Variants in LRRC4C observed in about 807,000 individuals in gnomAD.
LRRC4C encodes leucine rich repeat containing 4C.
LRRC4C carries 5 observed loss-of-function variants against 33.6 expected under a neutral mutation model. That is an observed-to-expected ratio of 0.15 (90% confidence interval 0.08 to 0.31). The LOEUF is 0.31. Among genes scored for constraint, LRRC4C ranks in the 10% least tolerant of loss-of-function variants. The probability of loss-of-function intolerance (pLI) is 1.00; values close to 1 mark genes in which losing one functional copy is unlikely to be tolerated. For missense variants in LRRC4C, 560 were observed against 796.7 expected, an observed-to-expected ratio of 0.70 and a Z score of 3.58; for synonymous variants, 329 against 302.0, an observed-to-expected ratio of 1.09 and a Z score of -0.93.
intron 2 of LRRC4C, among the ~76,000 whole-genome samples, chr11:40,792,992 T>C (rs1950686859): frequency 6.6e-6 from 1 of 151,564 alleles, no homozygotes; most frequent in South Asian, 2.1e-4. Context: ...TGTTGTGGGG[T>C]CGGGGGATGG....
chr11:40,667,040 G>A (rs557906924), intron 2 of LRRC4C, among the ~76,000 whole-genome samples: 15 of 152,154 alleles, frequency 9.9e-5, no homozygotes, highest in Non-Finnish European at 2.1e-4. Context: ...AATGATTCAA[G>A]TCATAAATGT....
intron 4 of LRRC4C, among the ~76,000 whole-genome samples, chr11:40,268,958 G>A (rs1942487164): frequency 6.6e-6 from 1 of 152,124 alleles, no homozygotes; most frequent in Non-Finnish European, 1.5e-5. Flanking sequence ...TTTTCGCCCT[G>A]TTTAAGGCCG....
chr11:41,370,605 C>T (rs1000572887), intron 1 of LRRC4C, among the ~76,000 whole-genome samples: 2 of 152,142 alleles, frequency 1.3e-5, no homozygotes, highest in Admixed American at 1.3e-4. Context: ...ATTCTGAGGT[C>T]TCCCCAGCCA....
chr11:40,170,559 A>T (rs1859962387), intron 5 of LRRC4C, among the ~76,000 whole-genome samples: 1 of 152,222 alleles, frequency 6.6e-6, no homozygotes, highest in South Asian at 2.1e-4. Context: ...ATAATAAAAG[A>T]GAGTGAGATG....
intron 1 of LRRC4C, among the ~76,000 whole-genome samples, chr11:41,036,833 C>CA (rs1195820416): frequency 6.6e-6 from 1 of 152,144 alleles, no homozygotes; most frequent in Non-Finnish European, 1.5e-5. Context: ...ACTAGATACA[C>CA]AATTAGATTT....
chr11:41,237,127 G>T (rs1948059245), intron 1 of LRRC4C, among the ~76,000 whole-genome samples: 1 of 152,158 alleles, frequency 6.6e-6, no homozygotes, highest in Admixed American at 6.6e-5. Context: ...CTACAGTTTG[G>T]AGTTTACTCA....
At chr11:40,222,930 G>A (rs890755868) in intron 5 of LRRC4C, among the ~76,000 whole-genome samples, 1 of 152,072 alleles carries the variant, frequency 6.6e-6, no homozygotes, top group African/African-American at 2.4e-5. Flanking sequence ...AGAGGCAGAG[G>A]GAACACTTTA....
intron 1 of LRRC4C, among the ~76,000 whole-genome samples, chr11:40,963,725 T>G (rs1240488316): frequency 6.6e-6 from 1 of 151,810 alleles, no homozygotes; most frequent in South Asian, 2.1e-4. Flanking sequence ...AATCAAATAC[T>G]ATATCTCAGA....
chr11:40,336,904 A>G (rs917244094), intron 3 of LRRC4C, among the ~76,000 whole-genome samples: 12 of 142,122 alleles, frequency 8.4e-5, no homozygotes, highest in East Asian at 4.4e-4. Flanking sequence ...GTGAACCCGG[A>G]AGGCGGAGCT....
intron 2 of LRRC4C, among the ~76,000 whole-genome samples, chr11:40,749,701 G>A (rs760928371): frequency 6.8e-6 from 1 of 148,032 alleles, no homozygotes; most frequent in African/African-American, 2.5e-5. Context: ...TCTTCAAATA[G>A]GTAAACAAAA....
intron 1 of LRRC4C, among the ~76,000 whole-genome samples, chr11:41,006,532 A>G (rs553368688): frequency 6.6e-6 from 1 of 152,218 alleles, no homozygotes; most frequent in Non-Finnish European, 1.5e-5. Flanking sequence ...CACAGAGGAC[A>G]GAGCCTCTAG....
chr11:40,397,683 T>A (rs138919353), intron 3 of LRRC4C, among the ~76,000 whole-genome samples: 1 of 152,174 alleles, frequency 6.6e-6, no homozygotes, highest in East Asian at 1.9e-4. Context: ...AGTTCAATAT[T>A]GTCTAGCTGG....
intron 3 of LRRC4C, among the ~76,000 whole-genome samples, chr11:40,354,945 G>A (rs1014819425): frequency 6.6e-6 from 1 of 152,018 alleles, no homozygotes; most frequent in African/African-American, 2.4e-5. Context: ...AATGTGCTGG[G>A]TCACACCTGA....
At chr11:41,139,783 A>G (rs1340672730) in intron 1 of LRRC4C, among the ~76,000 whole-genome samples, 1 of 152,144 alleles carries the variant, frequency 6.6e-6, no homozygotes, top group Non-Finnish European at 1.5e-5. Flanking sequence ...AAACACTTAG[A>G]GCAAATCTGC....
rs561010126 is a variant in LRRC4C at position 40,817,376 on chromosome 11, A to G, written c.-407+116259T>C. On this transcript the variant is annotated intron_variant, in intron 2 of 6. Coordinates refer to ENST00000528697, the MANE Select transcript of LRRC4C (RefSeq NM_001258419.2). ...TATATGAAGAAAGCTGAGAGTAATT[A>G]GTAGTTTTTCAGATCCTTTTAACTC... Among the ~76,000 whole-genome samples the G allele has an allele frequency of 2.0e-5, 3 of 152,288 alleles. No homozygotes were observed. In the South Asian group the frequency reaches 6.2e-4, roughly 32 times the overall value.
At chr11:40,716,608 G>A (rs1020391784) in intron 2 of LRRC4C, among the ~76,000 whole-genome samples, 1 of 152,090 alleles carries the variant, frequency 6.6e-6, no homozygotes, top group African/African-American at 2.4e-5. Context: ...AGATACTAAA[G>A]TCAGCATATA....
intron 3 of LRRC4C, among the ~76,000 whole-genome samples, chr11:40,470,723 A>G (rs12574708): frequency 0.14 from 21,376 of 152,226 alleles, 1,586 homozygotes; most frequent in Non-Finnish European, 0.15. Context: ...ACAGCACGAG[A>G]CCTTTGTGAA....
rs565975410 is a variant in LRRC4C, at chr11:40,572,301, T to C, written c.-270+75841A>G. 2.0e-5 allele frequency among the ~76,000 whole-genome samples: 3 copies of C among 152,294 alleles called. No individual in the cohort carries two copies. The East Asian group carries it at 5.8e-4, about 29-fold the overall frequency. On this transcript the variant is annotated intron_variant, in intron 3 of 6. Coordinates refer to ENST00000528697, the MANE Select transcript of LRRC4C (RefSeq NM_001258419.2). ...CCAGACCCAGGTTTAGATGCCATAA[T>C]TAGGCCCTGCCTATCCAGATGAACA... is the stretch of plus-strand genomic sequence containing the variant.
At chr11:40,906,815 T>C (rs1015276000) in intron 2 of LRRC4C, among the ~76,000 whole-genome samples, 4 of 152,180 alleles carry the variant, frequency 2.6e-5, no homozygotes, top group African/African-American at 9.7e-5. Context: ...ATGTGTTCTA[T>C]ACATATACAT....
Sources: allele counts gnomAD v4.1 joint callset (sites outside exome capture counted in the v4.1 genomes callset), GRCh38; gene constraint gnomAD v4.1.1; transcripts MANE v1.5; gene names NCBI Gene and HGNC (gene_info 2026-07-23, HGNC 2026-07-21).